Variants in PIEZO1 observed in about 807,000 individuals in gnomAD.
PIEZO1 encodes the protein piezo type mechanosensitive ion channel component 1 (Er blood group), also known as piezo-type mechanosensitive ion channel component 1.
PIEZO1 carries 296 observed loss-of-function variants against 297.2 expected under a neutral mutation model. The ratio of observed to expected loss-of-function variants is 1.00; its 90% confidence interval spans 0.91 to 1.10. The LOEUF (loss-of-function observed/expected upper bound fraction) is 1.10, where lower values mean the gene tolerates loss of function less well. PIEZO1 is among the 50% of genes least tolerant of loss of function. PIEZO1 has a pLI of 0.00. For missense variants in PIEZO1, 5,018 were observed against 3,455.5 expected, an observed-to-expected ratio of 1.45 and a Z score of -11.34; for synonymous variants, 2,427 against 1,507.5, an observed-to-expected ratio of 1.61 and a Z score of -14.13.
rs942117829 is a variant in PIEZO1, at chr16:88,723,100, G to C, written c.4490C>G (p.Ala1497Gly). Residue 1497 changes from alanine (A) to glycine (G), a missense_variant, in exon 33 of 51, where the codon GCG becomes GGG. Coordinates refer to ENST00000301015, the MANE Select transcript of PIEZO1 (RefSeq NM_001142864.4). ...VEPAEGPEEA[A>G]AGRSHVVQRV... is the part of the protein sequence containing the mutation. The stretch of plus-strand genomic sequence containing the variant: ...CCAGCCCCGGGCCCACGTACCTGCC[G>C]CTGCCTCCTCGGGGCCCTCTGCTGG... The C allele has an allele frequency of 6.5e-7, 1 of 1,547,898 alleles. No individual in the cohort carries two copies. Among genetic ancestry groups the C allele is most frequent in the African/African-American group, 1.4e-5 (1 of 73,148 alleles).
chr16:88,744,931 G>C (rs535790839), intron 2 of PIEZO1, among the ~76,000 whole-genome samples: 2 of 152,156 alleles, frequency 1.3e-5, no homozygotes, highest in South Asian at 2.1e-4. Flanking sequence ...ACCTGCACGG[G>C]GCGGGGAGCG....
chr16:88,766,845 G>A (rs1045977697), intron 1 of PIEZO1, among the ~76,000 whole-genome samples: 4 of 152,196 alleles, frequency 2.6e-5, no homozygotes, highest in African/African-American at 9.7e-5. Flanking sequence ...CTCAGGCCAC[G>A]AGGGCCGGGG....
chr16:88,778,949 G>A (rs991621980), intron 1 of PIEZO1, among the ~76,000 whole-genome samples: 3 of 152,136 alleles, frequency 2.0e-5, no homozygotes, highest in African/African-American at 7.2e-5. Flanking sequence ...GGTGCATGGC[G>A]CGTTCACCAG....
Position 88,726,376 on chromosome 16 carries a change from G to T in PIEZO1, c.3876C>A (p.Phe1292Leu), listed in dbSNP as rs371706032. The change falls in exon 27 of 51, where the codon TTC becomes TTA. Residue 1292 changes from phenylalanine (F) to leucine (L), a missense_variant. Phe to Leu is a conservative substitution (Grantham distance 22). Transcript: ENST00000301015. ...EAGIIWDSVCFFFLLLQRRVF... is the reference protein window; with the variant it reads ...EAGIIWDSVCLFFLLLQRRVF... The stretch of plus-strand genomic sequence containing the variant: ...CGCGGCGCTGCAGCAGCAGGAAGAA[G>T]AAGCAGACGCTGTCCCAGATGATGC... 1 of 1,550,384 alleles carries T rather than the reference G, an allele frequency of 6.5e-7. No individual in the cohort carries two copies. The highest frequency in any genetic ancestry group is 8.7e-7 in the Non-Finnish European group (1 of 1,146,942).
Position 88,733,365 on chromosome 16 carries a change from G to A in PIEZO1, c.2577C>T (p.Thr859=), listed in dbSNP as rs745926985. 11 of 1,549,704 alleles carry A rather than the reference G, an allele frequency of 7.1e-6. No individual in the cohort carries two copies. Among genetic ancestry groups the A allele is most frequent in the African/African-American group, 4.1e-5 (3 of 73,058 alleles). Residue 859 remains threonine (T), a synonymous_variant, in exon 19 of 51, where the codon ACC becomes ACT. Transcript: ENST00000301015. Reference sequence around the variant, plus strand: ...ACACGATGATGACGCAGGTCCACACGGTGGACAGGCAGGAGGCCATGGGCC... The same window carrying A: ...ACACGATGATGACGCAGGTCCACACAGTGGACAGGCAGGAGGCCATGGGCC... The part of the protein sequence containing the change: ...RFRPMASCLS[T]VWTCVIIVCK...
rs1361293745 is a variant in PIEZO1, at chr16:88,727,668, G to A, written c.3197-7C>T. The A allele has an allele frequency of 2.1e-6, 3 of 1,417,678 alleles. No individual in the cohort carries two copies. The highest frequency in any genetic ancestry group is 2.6e-5 in the East Asian group (1 of 38,054). The allele number at this position is 1,417,678 out of a possible 1,614,324, so 87.8% of individuals were successfully genotyped here. ...CTCCAGCGCCAGGGATAATCTGGGG[G>A]AAGGGGTGTCATGTCAGGAAGGGCC... On this transcript the variant is annotated splice_polypyrimidine_tract_variant and splice_region_variant and intron_variant, in intron 22 of 50. Transcript: ENST00000301015.
rs979900400 is a variant in PIEZO1, at chr16:88,722,079, C to G, written c.4956-13G>C. ...GATGCGCAGGCGCCTACAGGGAGACCCGCGTGTTTGGGGGAGTCTGGGACT... is the reference window on the plus strand; with the variant it reads ...GATGCGCAGGCGCCTACAGGGAGACGCGCGTGTTTGGGGGAGTCTGGGACT... On this transcript the variant is annotated splice_polypyrimidine_tract_variant and intron_variant, in intron 36 of 50. Coordinates refer to ENST00000301015, the MANE Select transcript of PIEZO1 (RefSeq NM_001142864.4). 3.9e-6 allele frequency: 6 copies of G among 1,541,038 alleles called. No individual in the cohort carries two copies. Among genetic ancestry groups the G allele is most frequent in the Non-Finnish European group, 5.3e-6 (6 of 1,142,836 alleles).
intron 25 of PIEZO1, 32 bp from the exon 26 acceptor site, chr16:88,726,675 G>T (rs757281071): frequency 6.5e-7 from 1 of 1,547,166 alleles, no homozygotes; most frequent in Non-Finnish European, 8.7e-7. Context: ...GGGGCCAGCG[G>T]GGCCCCAGGG....
At chr16:88,768,528 T>C (rs1907278524) in intron 1 of PIEZO1, among the ~76,000 whole-genome samples, 1 of 152,200 alleles carries the variant, frequency 6.6e-6, no homozygotes, top group Non-Finnish European at 1.5e-5. Context: ...ACTAATCCAA[T>C]TCCTAACAGC....
At chr16:88,758,392 G>T (rs1213272075) in intron 1 of PIEZO1, among the ~76,000 whole-genome samples, 1 of 152,220 alleles carries the variant, frequency 6.6e-6, no homozygotes, top group Admixed American at 6.5e-5. Flanking sequence ...GGCAACCCTG[G>T]CTTCTGTGAG....
At chr16:88,751,653 T>G (rs2142867279) in intron 1 of PIEZO1, among the ~76,000 whole-genome samples, 1 of 151,580 alleles carries the variant, frequency 6.6e-6, no homozygotes, top group South Asian at 2.1e-4. Context: ...CTAAAGTTTT[T>G]TGACGATTAT....
At chr16:88,762,944 A>G (rs1350880990) in intron 1 of PIEZO1, among the ~76,000 whole-genome samples, 1 of 152,172 alleles carries the variant, frequency 6.6e-6, no homozygotes, top group African/African-American at 2.4e-5. Flanking sequence ...TATACCCAGG[A>G]GCTCCAGGCT....
chr16:88,724,060 G>A (rs1445583873), intron 30 of PIEZO1, 89 bp from the exon 31 acceptor site: 5 of 769,912 alleles, frequency 6.5e-6, no homozygotes, highest in African/African-American at 1.7e-5. Context: ...AGGCCCGAGA[G>A]CCACCCTTCC....
At position 88,734,694 on chromosome 16, in the gene PIEZO1, G is replaced by A; in HGVS notation, c.1953C>T (p.Asp651=). ...TGAGGTTGCGCCAGTAGGCAGGGAA[G>A]TCCTGGAACTGGAAGGTGTAGACGG... ...LIAVYTFQFQ[D]FPAYWRNLTG... is the part of the protein sequence containing the mutation. The change falls in exon 15 of 51, where the codon GAC becomes GAT. Residue 651 remains aspartate, a synonymous_variant. Coordinates refer to ENST00000301015, the MANE Select transcript of PIEZO1 (RefSeq NM_001142864.4). 6.5e-7 allele frequency: 1 copy of A among 1,550,374 alleles called. No homozygotes were observed. Among genetic ancestry groups the A allele is most frequent in the Non-Finnish European group, 8.7e-7 (1 of 1,146,946 alleles).
intron 22 of PIEZO1, chr16:88,731,151 G>C (rs1463938333): frequency 6.4e-6 from 1 of 156,524 alleles, no homozygotes; most frequent in African/African-American, 2.4e-5. Context: ...AGACAGGAGA[G>C]GCGGGGGCGG....
intron 44 of PIEZO1, chr16:88,718,175 G>A (rs1018844369): frequency 5.9e-6 from 1 of 170,650 alleles, no homozygotes; most frequent in African/African-American, 2.4e-5. Context: ...CGGTCAACAG[G>A]GAACTGAGAA....
intron 1 of PIEZO1, among the ~76,000 whole-genome samples, chr16:88,756,595 C>T (rs944507003): frequency 1.3e-5 from 2 of 151,834 alleles, no homozygotes; most frequent in Non-Finnish European, 2.9e-5. Flanking sequence ...TGGTGAAACC[C>T]CATCTCTACT....
rs983934342 is a variant in PIEZO1 at position 88,733,952 on chromosome 16, C to T, written c.2283G>A (p.Glu761=). The T allele has an allele frequency of 3.1e-5, 48 of 1,547,202 alleles. No individual in the cohort carries two copies. Among genetic ancestry groups the T allele is most frequent in the Non-Finnish European group, 4.0e-5 (46 of 1,145,174 alleles). ...EEEEEEDSRD[E]GLGVATPHQA... Reference sequence around the variant, plus strand: ...GGTGGGGAGTGGCCACGCCCAGCCCCTCGTCCCTGGAGTCCTCCTCCTCCT... The same window carrying T: ...GGTGGGGAGTGGCCACGCCCAGCCCTTCGTCCCTGGAGTCCTCCTCCTCCT... The change falls in exon 17 of 51, where the codon GAG becomes GAA. Residue 761 remains glutamate (E), a synonymous_variant. Transcript: ENST00000301015.
rs948672399 is a variant in PIEZO1 at position 88,725,484 on chromosome 16, CTGTGCTTCTCCTGCT to C, written c.4079_4093del (p.Lys1360_His1364del). 1.3e-6 allele frequency: 2 copies of C among 1,525,300 alleles called. No homozygotes were observed. The highest frequency in any genetic ancestry group is 2.8e-5 in the African/African-American group (2 of 72,462). The allele number at this position is 1,525,300 out of a possible 1,614,324, so 94.5% of individuals were successfully genotyped here. ...GCGACTGCGGTCCACCCGGCCCTGC[CTGTGCTTCTCCTGCT>C]TGGCACGGATACGCTCCATCCTGTG... On this transcript the variant is annotated inframe_deletion, in exon 29 of 51. Transcript: ENST00000301015.
Sources: gnomAD v4.1 joint callset for allele counts (sites outside exome capture counted in the v4.1 genomes callset) on GRCh38, gnomAD v4.1.1 for gene constraint, MANE v1.5 for transcripts, NCBI Gene and HGNC (gene_info 2026-07-23, HGNC 2026-07-21) for gene names.